CTNNA3: variants seen among roughly 807,000 people sequenced by gnomAD.
CTNNA3 encodes catenin alpha-3.
Under a neutral mutation model 95.7 loss-of-function variants are expected in CTNNA3, and 76 were observed. The observed-to-expected ratio is 0.79, with a 90% confidence interval of 0.66 to 0.96. CTNNA3 has a LOEUF of 0.96. Ranked by LOEUF, CTNNA3 falls within the 40% of genes least tolerant of loss-of-function variation. The pLI, the probability that CTNNA3 is intolerant of heterozygous loss-of-function variation, is 0.00. For synonymous variants in CTNNA3, 431 were observed against 374.4 expected (o/e 1.15, Z -1.74); for missense variants, 1,191 against 1,089.8 (o/e 1.09, Z -1.31).
intron 12 of CTNNA3, among the ~76,000 whole-genome samples, chr10:66,375,271 C>A (rs1196315749): frequency 6.7e-6 from 1 of 150,106 alleles, no homozygotes; most frequent in Non-Finnish European, 1.5e-5. Flanking sequence ...TAGGTGAAAT[C>A]AAATTCCTCC....
At chr10:66,699,419 A>T (rs900553257) in intron 9 of CTNNA3, among the ~76,000 whole-genome samples, 10 of 151,924 alleles carry the variant, frequency 6.6e-5, no homozygotes, top group African/African-American at 2.2e-4. Flanking sequence ...TTTTTAAATA[A>T]CAGCCATCTT....
intron 1 of CTNNA3, among the ~76,000 whole-genome samples, chr10:67,738,732 C>T (rs1841317264): frequency 1.3e-5 from 2 of 151,674 alleles, no homozygotes; most frequent in African/African-American, 4.8e-5. Flanking sequence ...ATGACCAATG[C>T]AGAGAAGTCC....
In CTNNA3 at chr10:66,420,623, A is replaced by T. The variant is rs912896099; in HGVS notation, c.1532-41271T>A. 2.6e-5 allele frequency among the ~76,000 whole-genome samples: 4 copies of T among 151,946 alleles called. 1 individual carries two copies. The highest frequency in any genetic ancestry group is 1.3e-4 in the Admixed American group (2 of 15,236). ...AGACCACCCTGGCTAACACAGTGAA[A>T]CCCCATCTCTACTAAAAATACAAAA... On this transcript the variant is annotated intron_variant, in intron 11 of 17. Transcript: ENST00000433211.
At chr10:66,474,032 G>A (rs1839232419) in intron 11 of CTNNA3, among the ~76,000 whole-genome samples, 1 of 152,108 alleles carries the variant, frequency 6.6e-6, no homozygotes, top group African/African-American at 2.4e-5. Context: ...TATATACCCA[G>A]TAAAGGGATG....
intron 5 of CTNNA3, among the ~76,000 whole-genome samples, chr10:67,514,798 T>C (rs556150478): frequency 6.6e-6 from 1 of 152,076 alleles, no homozygotes; most frequent in South Asian, 2.1e-4. Flanking sequence ...AGAATTAACT[T>C]GTTTCAATAA....
chr10:66,695,644 G>T (rs1346241097), intron 9 of CTNNA3, among the ~76,000 whole-genome samples: 1 of 152,112 alleles, frequency 6.6e-6, no homozygotes, highest in African/African-American at 2.4e-5. Flanking sequence ...AGAAGTTGTT[G>T]CAAGGAAAGA....
At chr10:67,210,856 T>A (rs1864111885) in intron 6 of CTNNA3, among the ~76,000 whole-genome samples, 1 of 152,190 alleles carries the variant, frequency 6.6e-6, no homozygotes. Context: ...CTTCATCAGC[T>A]CTCATATTTA....
intron 5 of CTNNA3, among the ~76,000 whole-genome samples, chr10:67,312,223 C>G (rs940962160): frequency 2.0e-5 from 3 of 152,064 alleles, no homozygotes; most frequent in Admixed American, 2.0e-4. Flanking sequence ...CAGGCACGCA[C>G]CACCGTGCCC....
intron 7 of CTNNA3, among the ~76,000 whole-genome samples, chr10:66,828,916 T>C (rs1486310976): frequency 6.6e-6 from 1 of 152,204 alleles, no homozygotes; most frequent in African/African-American, 2.4e-5. Flanking sequence ...CACAGCTGTA[T>C]GGAGGTGCCA....
intron 9 of CTNNA3, among the ~76,000 whole-genome samples, chr10:66,691,543 A>G (rs972116697): frequency 1.3e-5 from 2 of 152,176 alleles, no homozygotes; most frequent in African/African-American, 4.8e-5. Flanking sequence ...GCACAGACAA[A>G]CAAAGAGACA....
chr10:66,003,669 T>G (rs1298755774), intron 15 of CTNNA3, among the ~76,000 whole-genome samples: 1 of 152,218 alleles, frequency 6.6e-6, no homozygotes, highest in Non-Finnish European at 1.5e-5. Context: ...GATTTTTGTC[T>G]TTAGTAAAAC....
In CTNNA3 at chr10:66,681,979, A is replaced by G. The variant is rs1847081813; in HGVS notation, c.1282-60195T>C. Among the ~76,000 whole-genome samples the G allele has an allele frequency of 4.6e-5, 7 of 152,326 alleles. No homozygotes were observed. The South Asian group carries it at 1.2e-3, about 27-fold the overall frequency. On this transcript the variant is annotated intron_variant, in intron 9 of 17. Coordinates refer to ENST00000433211, the MANE Select transcript of CTNNA3 (RefSeq NM_013266.4). ...ATTTTCTCCACAGTAGCATAGCAGC[A>G]TACTAGTACAAGGCCACTGCAGCTA...
rs530974695 is a variant in CTNNA3 at position 66,737,092 on chromosome 10, T to G, written c.1281+29172A>C. On this transcript the variant is annotated intron_variant, in intron 9 of 17. Transcript: ENST00000433211. ...CCTCCTAAATTTTTAAGCGCATTCT[T>G]AAACCATTTCCTCTGATTAACAAAT... Among the ~76,000 whole-genome samples, 3 of 152,068 alleles carry G rather than the reference T, an allele frequency of 2.0e-5. No individual in the cohort carries two copies. The East Asian group carries it at 5.8e-4, about 29-fold the overall frequency.
chr10:67,234,101 C>T (rs1477843402), intron 5 of CTNNA3, among the ~76,000 whole-genome samples: 1 of 152,152 alleles, frequency 6.6e-6, no homozygotes. Context: ...GGAACTGGTA[C>T]CATTCCTTCT....
intron 13 of CTNNA3, among the ~76,000 whole-genome samples, chr10:66,176,923 C>T (rs1226803907): frequency 6.6e-6 from 1 of 151,734 alleles, no homozygotes; most frequent in African/African-American, 2.4e-5. Context: ...TTTTAAATCA[C>T]TGAAGTCTTA....
intron 3 of CTNNA3, among the ~76,000 whole-genome samples, chr10:67,570,365 G>A (rs902024302): frequency 6.6e-6 from 1 of 151,732 alleles, no homozygotes; most frequent in African/African-American, 2.4e-5. Context: ...TTGAATTACA[G>A]TTGCTATATT....
chr10:67,623,166 G>C (rs1843905589), intron 2 of CTNNA3, among the ~76,000 whole-genome samples: 1 of 152,120 alleles, frequency 6.6e-6, no homozygotes, highest in Non-Finnish European at 1.5e-5. Flanking sequence ...TAAGTAAATG[G>C]CATCATGCTT....
In CTNNA3 at chr10:65,914,717, A is replaced by C. The variant is rs1382816457; in HGVS notation, c.*5613T>G. 1 of 152,180 alleles carries C rather than the reference A, an allele frequency of 6.6e-6. No homozygotes were observed. The highest frequency in any genetic ancestry group is 2.4e-5 in the African/African-American group (1 of 41,444). 9.4% of individuals were successfully genotyped at this position (152,180 alleles called of 1,614,324 possible). ...ACCAACCAATACTGAAGATGGGCTG[A>C]AACAGGCATTTCATTGAAGCTTTCT... is the stretch of plus-strand genomic sequence containing the variant. On this transcript the variant is annotated 3_prime_UTR_variant, in exon 18 of 18. Coordinates refer to ENST00000433211, the MANE Select transcript of CTNNA3 (RefSeq NM_013266.4).
At chr10:66,401,834 G>C (rs1468987548) in intron 11 of CTNNA3, among the ~76,000 whole-genome samples, 5 of 151,348 alleles carry the variant, frequency 3.3e-5, no homozygotes, top group Non-Finnish European at 7.4e-5. Context: ...AATTTTTGTA[G>C]TTTTAGTAGA....
Sources: allele counts gnomAD v4.1 joint callset (sites outside exome capture counted in the v4.1 genomes callset), GRCh38; gene constraint gnomAD v4.1.1; transcripts MANE v1.5; gene names NCBI Gene and HGNC (gene_info 2026-07-23, HGNC 2026-07-21).